NXPE2: variants seen among roughly 807,000 people sequenced by gnomAD.
NXPE2 encodes neurexophilin and PC-esterase domain family member 2.
Under a neutral mutation model 34.4 loss-of-function variants are expected in NXPE2, and 34 were observed. That is an observed-to-expected ratio of 0.99 (90% CI 0.75 to 1.31). The LOEUF (loss-of-function observed/expected upper bound fraction) is 1.31, where lower values mean the gene tolerates loss of function less well. Among genes scored for constraint, NXPE2 ranks in the 40% most tolerant of loss-of-function variants. NXPE2 has a pLI of 0.00. For missense variants in NXPE2, 649 were observed against 672.5 expected, an observed-to-expected ratio of 0.97 and a Z score of 0.39; for synonymous variants, 235 against 231.3, an observed-to-expected ratio of 1.02 and a Z score of -0.15.
At chr11:114,670,603 G>A in the NXPE2 span, among the ~76,000 whole-genome samples, 3 of 151,780 alleles carry the variant, frequency 2.0e-5, no homozygotes, top group African/African-American at 7.3e-5. Context: ...GAGGCAGGAG[G>A]ATCACTTGAA....
At chr11:114,606,405 G>T in the NXPE2 span, among the ~76,000 whole-genome samples, 1 of 150,690 alleles carries the variant, frequency 6.6e-6, no homozygotes, top group Non-Finnish European at 1.5e-5. Flanking sequence ...ACTGTTACCC[G>T]GTGGATAATA....
chr11:114,773,009 T>A, the NXPE2 span, among the ~76,000 whole-genome samples: 3 of 152,092 alleles, frequency 2.0e-5, no homozygotes, highest in African/African-American at 7.2e-5. Flanking sequence ...GTAGAATACA[T>A]CCTTGTGTGG....
At chr11:114,806,375 C>A in the NXPE2 span, among the ~76,000 whole-genome samples, 1 of 152,066 alleles carries the variant, frequency 6.6e-6, no homozygotes, top group Non-Finnish European at 1.5e-5. Flanking sequence ...GAGAAGGCAG[C>A]TTCAGATGAT....
chr11:114,634,293 C>T, the NXPE2 span, among the ~76,000 whole-genome samples: 881 of 152,108 alleles, frequency 5.8e-3, 11 homozygotes, highest in African/African-American at 0.016. Context: ...GTCCTTTGCC[C>T]ACTTTTTGAT....
the NXPE2 span, among the ~76,000 whole-genome samples, chr11:114,725,992 T>A: frequency 7.1e-6 from 1 of 140,032 alleles, no homozygotes; most frequent in African/African-American, 2.5e-5. Context: ...TATATATATA[T>A]AAAAAGAAAA....
At chr11:114,475,623 G>C in the NXPE2 span, among the ~76,000 whole-genome samples, 1 of 152,066 alleles carries the variant, frequency 6.6e-6, no homozygotes, top group Admixed American at 6.6e-5. Flanking sequence ...ATGTCCTTAA[G>C]TTTGCCTTCA....
At chr11:114,546,196 T>G in the NXPE2 span, among the ~76,000 whole-genome samples, 1 of 152,202 alleles carries the variant, frequency 6.6e-6, no homozygotes, top group African/African-American at 2.4e-5. Context: ...ATATAAGCAC[T>G]GTACTCTCAG....
the NXPE2 span, among the ~76,000 whole-genome samples, chr11:114,544,392 G>A: frequency 9.9e-5 from 15 of 152,220 alleles, no homozygotes; most frequent in Admixed American, 3.3e-4. Context: ...GATTAATCAA[G>A]GGAACATAAT....
downstream of NXPE2, chr11:114,707,421 G>C: frequency 2.3e-6 from 1 of 425,578 alleles, no homozygotes; most frequent in Non-Finnish European, 4.7e-6. Context: ...TTTCGAGACA[G>C]TCTCACTCTG....
chr11:114,729,183 C>A, the NXPE2 span, among the ~76,000 whole-genome samples: 1 of 152,094 alleles, frequency 6.6e-6, no homozygotes, highest in Non-Finnish European at 1.5e-5. Context: ...GTTTTCTGTT[C>A]CTGCGTTCAG....
chr11:114,746,077 T>A, the NXPE2 span, among the ~76,000 whole-genome samples: 1 of 152,206 alleles, frequency 6.6e-6, no homozygotes, highest in Non-Finnish European at 1.5e-5. Flanking sequence ...TTTATGATGG[T>A]TATTTTTAGC....
At chr11:114,775,871 C>CA in the NXPE2 span, among the ~76,000 whole-genome samples, 29 of 78,518 alleles carry the variant, frequency 3.7e-4, no homozygotes, top group East Asian at 0.015. Flanking sequence ...AAAGAAAAAA[C>CA]AAAAAAACGA....
the NXPE2 span, among the ~76,000 whole-genome samples, chr11:114,569,911 T>C: frequency 6.6e-6 from 1 of 152,188 alleles, no homozygotes; most frequent in Non-Finnish European, 1.5e-5. Context: ...ACCTTATCTA[T>C]ACTCCCCAAC....
chr11:114,597,974 C>T, the NXPE2 span, among the ~76,000 whole-genome samples: 1 of 152,088 alleles, frequency 6.6e-6, no homozygotes, highest in Non-Finnish European at 1.5e-5. Flanking sequence ...AGTCTGAAGT[C>T]CAAAGTCTCA....
chr11:114,740,594 T>A, the NXPE2 span, among the ~76,000 whole-genome samples: 19 of 152,180 alleles, frequency 1.2e-4, no homozygotes, highest in Non-Finnish European at 1.0e-4. Context: ...TAACAATGTA[T>A]AAGGGTTTCC....
the NXPE2 span, among the ~76,000 whole-genome samples, chr11:114,772,515 G>A: frequency 2.6e-5 from 4 of 151,984 alleles, no homozygotes; most frequent in African/African-American, 9.7e-5. Flanking sequence ...GTGATGTTCT[G>A]GGTGTCTAGG....
chr11:114,699,212 A>G (rs914489667), intron 3 of NXPE2, among the ~76,000 whole-genome samples: 1 of 152,038 alleles, frequency 6.6e-6, no homozygotes, highest in Admixed American at 6.5e-5. Flanking sequence ...ATCCCTCCCA[A>G]CTATCTCCTG....
At chr11:114,619,731 G>T in the NXPE2 span, among the ~76,000 whole-genome samples, 15 of 152,196 alleles carry the variant, frequency 9.9e-5, no homozygotes, top group East Asian at 2.9e-3. Context: ...CTGTTACCCT[G>T]TGGTTAATAA....
the NXPE2 span, among the ~76,000 whole-genome samples, chr11:114,754,578 G>A: frequency 6.6e-6 from 1 of 152,202 alleles, no homozygotes; most frequent in East Asian, 1.9e-4. Context: ...CAGGAGCACA[G>A]TGGACACCAG....
Sources: allele counts gnomAD v4.1 joint callset (sites outside exome capture counted in the v4.1 genomes callset), GRCh38; gene constraint gnomAD v4.1.1; transcripts MANE v1.5; gene names NCBI Gene and HGNC (gene_info 2026-07-23, HGNC 2026-07-21).